The following PTPRT variants were observed in gnomAD, a reference collection of about 807,000 sequenced individuals.
The protein encoded by PTPRT is receptor-type tyrosine-protein phosphatase T.
A neutral mutation model predicts 176.8 loss-of-function variants in PTPRT; 56 were observed. The observed-to-expected ratio is 0.32, with a 90% confidence interval of 0.26 to 0.40. PTPRT has a LOEUF of 0.40. PTPRT is among the 10% of genes least tolerant of loss of function. The probability of loss-of-function intolerance (pLI) is 1.00; values close to 1 mark genes in which losing one functional copy is unlikely to be tolerated. For missense variants in PTPRT, 1,540 were observed against 1,908.2 expected, an observed-to-expected ratio of 0.81 and a Z score of 3.60; for synonymous variants, 783 against 739.0, an observed-to-expected ratio of 1.06 and a Z score of -0.96.
chr20:42,176,193 T>A (rs574204563), intron 16 of PTPRT, among the ~76,000 whole-genome samples: 1 of 152,344 alleles, frequency 6.6e-6, no homozygotes, highest in South Asian at 2.1e-4. Flanking sequence ...CACCTTGCTC[T>A]CTGAAATCCA....
At position 42,994,215 on chromosome 20, in the gene PTPRT, T is replaced by A. The variant is rs143611328; in HGVS notation, c.89-108283A>T. 4.8e-3 allele frequency among the ~76,000 whole-genome samples: 724 copies of A among 152,284 alleles called. 9 individuals carry two copies. The highest frequency in any genetic ancestry group is 0.017 in the African/African-American group (694 of 41,550). On this transcript the variant is annotated intron_variant, in intron 1 of 30. Coordinates refer to ENST00000373187, the MANE Select transcript of PTPRT (RefSeq NM_007050.6). ...TCGAGACCATGTGACTGGATTCCAA[T>A]CAACTGCATGACTTGTAGGCCACTT...
intron 1 of PTPRT, among the ~76,000 whole-genome samples, chr20:43,164,748 G>A (rs1034532419): frequency 6.6e-6 from 1 of 152,140 alleles, no homozygotes; most frequent in Non-Finnish European, 1.5e-5. Context: ...GAATGGGCAG[G>A]GCTCTGCTCC....
chr20:43,090,472 T>G (rs2425583), intron 1 of PTPRT, among the ~76,000 whole-genome samples: 21,260 of 151,896 alleles, frequency 0.14, 1,951 homozygotes, highest in African/African-American at 0.26. Context: ...GTTTCACCGT[T>G]TTAGCCAGGA....
At chr20:42,259,258 G>A (rs552030361) in intron 13 of PTPRT, among the ~76,000 whole-genome samples, 54 of 152,306 alleles carry the variant, frequency 3.5e-4, no homozygotes, top group African/African-American at 1.3e-3. Context: ...ACGGCTAAAT[G>A]AGACTCTGAT....
chr20:42,714,737 CA>C (rs1158009396), intron 6 of PTPRT, among the ~76,000 whole-genome samples: 2 of 152,178 alleles, frequency 1.3e-5, no homozygotes, highest in Non-Finnish European at 2.9e-5. Flanking sequence ...AGACCCGACA[CA>C]GAGAGGTGGA....
At chr20:42,370,699 A>G (rs1471075618) in intron 9 of PTPRT, among the ~76,000 whole-genome samples, 1 of 152,224 alleles carries the variant, frequency 6.6e-6, no homozygotes, top group South Asian at 2.1e-4. Flanking sequence ...CCTGGACATA[A>G]TAAGCACTGG....
chr20:42,682,797 G>A (rs1234311013), intron 6 of PTPRT, among the ~76,000 whole-genome samples: 1 of 152,128 alleles, frequency 6.6e-6, no homozygotes, highest in Non-Finnish European at 1.5e-5. Context: ...ACCCCTTCCT[G>A]TAATTCTGCC....
intron 1 of PTPRT, among the ~76,000 whole-genome samples, chr20:42,974,522 CA>C (rs1344672715): frequency 2.0e-5 from 3 of 152,110 alleles, no homozygotes; most frequent in East Asian, 3.9e-4. Context: ...CACAGACACA[CA>C]CAGAGCTTCT....
intron 9 of PTPRT, among the ~76,000 whole-genome samples, chr20:42,437,033 A>G (rs1393267460): frequency 1.3e-5 from 2 of 152,248 alleles, no homozygotes; most frequent in Non-Finnish European, 2.9e-5. Flanking sequence ...CAGGAATTAT[A>G]TACAAGATTT....
At chr20:42,648,799 ATT>A (rs957007987) in intron 7 of PTPRT, among the ~76,000 whole-genome samples, 3 of 117,878 alleles carry the variant, frequency 2.5e-5, no homozygotes, top group Admixed American at 8.3e-5. Context: ...AGGAAAGGGG[ATT>A]TTTTTTTTTG....
chr20:42,397,973 T>C (rs1283795318), intron 9 of PTPRT, among the ~76,000 whole-genome samples: 1 of 152,178 alleles, frequency 6.6e-6, no homozygotes, highest in Admixed American at 6.5e-5. Flanking sequence ...AAATCATAAC[T>C]ATTCAAAGAA....
intron 1 of PTPRT, among the ~76,000 whole-genome samples, chr20:43,034,565 G>A (rs1193560510): frequency 6.6e-6 from 1 of 150,800 alleles, no homozygotes; most frequent in Non-Finnish European, 1.5e-5. Flanking sequence ...AAATTAAACA[G>A]CCTCAGGATT....
intron 7 of PTPRT, among the ~76,000 whole-genome samples, chr20:42,624,660 C>G (rs2074259149): frequency 6.6e-6 from 1 of 152,148 alleles, no homozygotes; most frequent in South Asian, 2.1e-4. Flanking sequence ...GGAGAAACGC[C>G]AGGCATGTTC....
At chr20:42,966,858 A>G (rs759031353) in intron 1 of PTPRT, among the ~76,000 whole-genome samples, 1 of 152,264 alleles carries the variant, frequency 6.6e-6, no homozygotes, top group Non-Finnish European at 1.5e-5. Context: ...AGATTGTTTC[A>G]GTGTACCTGC....
chr20:43,106,314 A>T (rs2012601536), intron 1 of PTPRT, among the ~76,000 whole-genome samples: 1 of 151,976 alleles, frequency 6.6e-6, no homozygotes, highest in Non-Finnish European at 1.5e-5. Context: ...AATAACAAAA[A>T]GAAAGTAAAG....
chr20:42,274,440 G>C (rs1381657883), intron 13 of PTPRT, among the ~76,000 whole-genome samples: 1 of 152,036 alleles, frequency 6.6e-6, no homozygotes, highest in Non-Finnish European at 1.5e-5. Flanking sequence ...CTGAGGTAGA[G>C]GTCTCTTGCT....
At position 42,079,225 on chromosome 20, in the gene PTPRT, T is replaced by C. The variant is rs956831662; in HGVS notation, c.*1654A>G. The C allele has an allele frequency of 4.8e-6, 1 of 208,340 alleles. No individual in the cohort carries two copies. The highest frequency in any genetic ancestry group is 9.8e-6 in the Non-Finnish European group (1 of 102,294). The allele number at this position is 208,340 out of a possible 1,614,324, so 12.9% of individuals were successfully genotyped here. ...GAGCTGGGAATGTGTTACTAAAATA[T>C]ATCTGAAATTCTGCGCTTCCCAGAA... is the stretch of plus-strand genomic sequence containing the variant. On this transcript the variant is annotated 3_prime_UTR_variant, in exon 31 of 31. Transcript: ENST00000373187.
At chr20:43,177,494 G>A (rs1420535686) in intron 1 of PTPRT, among the ~76,000 whole-genome samples, 1 of 152,184 alleles carries the variant, frequency 6.6e-6, no homozygotes, top group Non-Finnish European at 1.5e-5. Context: ...CCTGGAATGG[G>A]AAAGATACCA....
chr20:42,508,345 GAGAGCCCTGGCTTCAGGGCCAACC>G (rs2071887526), intron 7 of PTPRT, among the ~76,000 whole-genome samples: 1 of 152,124 alleles, frequency 6.6e-6, no homozygotes, highest in Non-Finnish European at 1.5e-5. Context: ...GGGGTTGGGA[GAGAGCCCTGGCTTCAGGGCCAACC>G]AAAGGTGGGG....
Sources: allele counts gnomAD v4.1 joint callset (sites outside exome capture counted in the v4.1 genomes callset), GRCh38; gene constraint gnomAD v4.1.1; transcripts MANE v1.5; gene names NCBI Gene and HGNC (gene_info 2026-07-23, HGNC 2026-07-21).